TMEM132D: variants seen among roughly 807,000 people sequenced by gnomAD.
TMEM132D encodes mature OL transmembrane protein.
In TMEM132D, 21 loss-of-function variants were observed where a neutral mutation model predicts 62.3. The observed-to-expected ratio is 0.34, with a 90% CI of 0.24 to 0.49. The LOEUF (loss-of-function observed/expected upper bound fraction) is 0.49, where lower values mean the gene tolerates loss of function less well. Ranked by LOEUF, TMEM132D falls within the 20% of genes least tolerant of loss-of-function variation. The pLI, the probability that TMEM132D is intolerant of heterozygous loss-of-function variation, is 0.99. For missense variants in TMEM132D, 1,346 were observed against 1,402.8 expected (o/e 0.96, Z 0.65); for synonymous variants, 621 against 575.6 (o/e 1.08, Z -1.13).
intron 1 of TMEM132D, among the ~76,000 whole-genome samples, chr12:129,898,337 AAAATACCC>A (rs1875218138): frequency 6.6e-6 from 1 of 152,212 alleles, no homozygotes; most frequent in Non-Finnish European, 1.5e-5. Flanking sequence ...AGAGATAGAA[AAAATACCC>A]ATTTTTTTGT....
At chr12:129,184,193 T>C (rs966736441) in intron 5 of TMEM132D, among the ~76,000 whole-genome samples, 1 of 152,184 alleles carries the variant, frequency 6.6e-6, no homozygotes, top group African/African-American at 2.4e-5. Context: ...AGGCCAGGTC[T>C]CTGCAGGCCA....
In TMEM132D at chr12:129,903,288, TGAG is replaced by T; in HGVS notation, c.49_51del (p.Leu17del). ...TTGGAAAACAGGGCGGCCAGGCTGA[TGAG>T]TACCGGCGACCAGTGGTGCCACAGC... is the stretch of plus-strand genomic sequence containing the variant. On this transcript the variant is annotated inframe_deletion, in exon 1 of 9. Transcript: ENST00000422113. The surrounding 1 kb of genome is among the most constrained non-coding windows in gnomAD (Gnocchi z 6.2). 6.4e-7 allele frequency: 1 copy of T among 1,554,330 alleles called. No individual in the cohort carries two copies. Among genetic ancestry groups the T allele is most frequent in the Non-Finnish European group, 8.7e-7 (1 of 1,148,546 alleles).
At chr12:129,297,738 G>A (rs777334792) in intron 4 of TMEM132D, among the ~76,000 whole-genome samples, 6 of 152,128 alleles carry the variant, frequency 3.9e-5, no homozygotes, top group Admixed American at 6.5e-5. Flanking sequence ...TTATCAGGTC[G>A]TTATCAAACG....
intron 5 of TMEM132D, among the ~76,000 whole-genome samples, chr12:129,116,917 G>GAAAAAA (rs1565969603): frequency 1.4e-4 from 2 of 13,990 alleles, no homozygotes; most frequent in South Asian, 2.4e-3. Flanking sequence ...GAAAATTTCC[G>GAAAAAA]CAAAAAAAAA....
intron 6 of TMEM132D, among the ~76,000 whole-genome samples, chr12:129,082,688 A>G (rs1054226036): frequency 6.6e-6 from 1 of 152,212 alleles, no homozygotes; most frequent in Non-Finnish European, 1.5e-5. Flanking sequence ...CAGCTCAGCC[A>G]TGCCTGGATT....
chr12:129,422,624 C>G (rs1261701499), intron 3 of TMEM132D, among the ~76,000 whole-genome samples: 1 of 152,136 alleles, frequency 6.6e-6, no homozygotes. Context: ...GGAAATTAAT[C>G]TCGCCATGTC....
At chr12:129,869,380 C>A (rs938028820) in intron 1 of TMEM132D, among the ~76,000 whole-genome samples, 4 of 152,138 alleles carry the variant, frequency 2.6e-5, no homozygotes, top group African/African-American at 7.2e-5. Context: ...CTCGGATGCT[C>A]AATTCCTGAT....
intron 1 of TMEM132D, among the ~76,000 whole-genome samples, chr12:129,757,779 G>A (rs1417157770): frequency 6.6e-6 from 1 of 152,152 alleles, no homozygotes; most frequent in Non-Finnish European, 1.5e-5. Flanking sequence ...CACTTGGCTG[G>A]AAAGCCTTCA....
At chr12:129,877,613 G>GCGCA (rs1555238201) in intron 1 of TMEM132D, among the ~76,000 whole-genome samples, 63 of 144,400 alleles carry the variant, frequency 4.4e-4, no homozygotes, top group Middle Eastern at 7.0e-3. Context: ...GCGCGCGCGC[G>GCGCA]CACACACACA....
At chr12:129,339,182 A>C (rs1869386274) in intron 3 of TMEM132D, among the ~76,000 whole-genome samples, 1 of 152,032 alleles carries the variant, frequency 6.6e-6, no homozygotes, top group African/African-American at 2.4e-5. Flanking sequence ...GAGGCATGAG[A>C]ATTGAACCTG....
At chr12:129,119,961 C>T (rs1040499618) in intron 5 of TMEM132D, among the ~76,000 whole-genome samples, 1 of 151,708 alleles carries the variant, frequency 6.6e-6, no homozygotes, top group African/African-American at 2.4e-5. Flanking sequence ...TCTTAAGTCA[C>T]GTGTCAACTG....
Position 129,648,848 on chromosome 12 carries a change from T to G in TMEM132D, c.968+50962A>C, listed in dbSNP as rs1031937098. 4.1e-4 allele frequency among the ~76,000 whole-genome samples: 63 copies of G among 152,186 alleles called. 1 individual carries two copies. Among genetic ancestry groups the G allele is most frequent in the African/African-American group, 1.4e-3 (57 of 41,514 alleles). ...AAATACCATCTATAATAAATAGGGT[T>G]TTTCCTTTATAAAAAAATATATATA... On this transcript the variant is annotated intron_variant, in intron 2 of 8. Coordinates refer to ENST00000422113, the MANE Select transcript of TMEM132D (RefSeq NM_133448.3).
intron 2 of TMEM132D, among the ~76,000 whole-genome samples, chr12:129,627,349 C>T (rs886373301): frequency 6.6e-6 from 1 of 152,200 alleles, no homozygotes; most frequent in Admixed American, 6.5e-5. Flanking sequence ...ATATTCAGTA[C>T]AGTAACACGA....
At chr12:129,353,994 A>T (rs1566042737) in intron 3 of TMEM132D, among the ~76,000 whole-genome samples, 1 of 152,076 alleles carries the variant, frequency 6.6e-6, no homozygotes, top group African/African-American at 2.4e-5. Flanking sequence ...TCCTTTGTGC[A>T]TGGGACTCAA....
chr12:129,582,281 G>A (rs1471539177), intron 2 of TMEM132D, among the ~76,000 whole-genome samples: 3 of 152,190 alleles, frequency 2.0e-5, no homozygotes, highest in African/African-American at 4.8e-5. Context: ...ACGTTGTTGG[G>A]TATTTGGCTT....
At chr12:129,488,663 ACT>A (rs1326708655) in intron 3 of TMEM132D, among the ~76,000 whole-genome samples, 1 of 152,050 alleles carries the variant, frequency 6.6e-6, no homozygotes, top group Non-Finnish European at 1.5e-5. Flanking sequence ...ACACAGCAAG[ACT>A]CTGTCTGGAG....
intron 4 of TMEM132D, among the ~76,000 whole-genome samples, chr12:129,255,029 G>A (rs1232631324): frequency 6.6e-6 from 1 of 152,068 alleles, no homozygotes; most frequent in Non-Finnish European, 1.5e-5. Context: ...CTGTTCTCAC[G>A]ATAGAGTTCT....
intron 1 of TMEM132D, among the ~76,000 whole-genome samples, chr12:129,864,346 T>A (rs1873992920): frequency 6.6e-6 from 1 of 152,166 alleles, no homozygotes; most frequent in Non-Finnish European, 1.5e-5. Context: ...CAGGGCTGCG[T>A]CTGAATTTCT....
intron 5 of TMEM132D, among the ~76,000 whole-genome samples, chr12:129,169,920 T>C (rs1012461445): frequency 6.6e-6 from 1 of 152,266 alleles, no homozygotes; most frequent in Non-Finnish European, 1.5e-5. Flanking sequence ...AGTTTTGATA[T>C]GTTACTTATA....
Sources: gnomAD v4.1 joint callset for allele counts (sites outside exome capture counted in the v4.1 genomes callset) on GRCh38, gnomAD v4.1.1 for gene constraint, Gnocchi (gnomAD v3.1) non-coding constraint, MANE v1.5 for transcripts, NCBI Gene and HGNC (gene_info 2026-07-23, HGNC 2026-07-21) for gene names.